SPRED2: variants seen among roughly 807,000 people sequenced by gnomAD.
SPRED2 encodes the protein sprouty-related, EVH1 domain-containing protein 2.
A neutral mutation model predicts 43.0 loss-of-function variants in SPRED2; 47 were observed. The observed-to-expected ratio is 1.09, with a 90% CI of 0.87 to 1.40. SPRED2 has a LOEUF of 1.40. Ranked by LOEUF, SPRED2 falls within the 40% of genes most tolerant of loss-of-function variation. The probability of loss-of-function intolerance (pLI) is 0.00; values close to 1 mark genes in which losing one functional copy is unlikely to be tolerated. For synonymous variants in SPRED2, 225 were observed against 225.7 expected (o/e 1.00, Z 0.03); for missense variants, 561 against 586.4 (o/e 0.96, Z 0.45).
intron 1 of SPRED2, among the ~76,000 whole-genome samples, chr2:65,352,168 C>T (rs80153345): frequency 0.019 from 2,959 of 152,338 alleles, 46 homozygotes; most frequent in Middle Eastern, 0.037. Flanking sequence ...CGCAAAGATG[C>T]CAGATCTGGC....
intron 1 of SPRED2, among the ~76,000 whole-genome samples, chr2:65,393,263 C>T (rs1443196978): frequency 6.6e-6 from 1 of 152,152 alleles, no homozygotes; most frequent in African/African-American, 2.4e-5. Flanking sequence ...TACTCCCTTC[C>T]CCAAAATCCA....
At chr2:65,383,386 A>G (rs1281282728) in intron 1 of SPRED2, among the ~76,000 whole-genome samples, 1 of 152,196 alleles carries the variant, frequency 6.6e-6, no homozygotes, top group African/African-American at 2.4e-5. Flanking sequence ...AATGAGGGGT[A>G]TTTTGAGCTC....
chr2:65,333,950 T>C (rs1038786583), intron 3 of SPRED2, among the ~76,000 whole-genome samples: 32 of 152,150 alleles, frequency 2.1e-4, no homozygotes, highest in African/African-American at 7.7e-4. Flanking sequence ...CACAGGGCCC[T>C]GTCTATGGCT....
chr2:65,308,802 G>A (rs11690031), downstream of SPRED2, among the ~76,000 whole-genome samples: 6,255 of 152,228 alleles, frequency 0.041, 151 homozygotes, highest in South Asian at 0.15. Context: ...AGGTGTAGTC[G>A]GTCCTCTGTA....
At chr2:65,377,480 C>A in intron 1 of SPRED2, 1 of 433,234 alleles carries the variant, frequency 2.3e-6, no homozygotes, top group Non-Finnish European at 4.9e-6. Flanking sequence ...CCCCCAAAGC[C>A]TCATCACCCA....
intron 1 of SPRED2, among the ~76,000 whole-genome samples, chr2:65,349,048 C>CCT (rs1674431357): frequency 6.6e-6 from 1 of 152,162 alleles, no homozygotes; most frequent in Admixed American, 6.5e-5. Flanking sequence ...GTGGCTCACG[C>CCT]CTGTAATCCC....
intron 1 of SPRED2, among the ~76,000 whole-genome samples, chr2:65,381,900 T>TA (rs1675382128): frequency 6.6e-6 from 1 of 152,220 alleles, no homozygotes; most frequent in Non-Finnish European, 1.5e-5. Flanking sequence ...ACCTTTTTCC[T>TA]AAAATGCCAG....
chr2:65,407,771 G>A (rs533488962), intron 1 of SPRED2, among the ~76,000 whole-genome samples: 9 of 152,250 alleles, frequency 5.9e-5, no homozygotes, highest in African/African-American at 1.9e-4. Flanking sequence ...TGGAGCACAG[G>A]GAACCTCCCC....
At chr2:65,414,548 G>A (rs545231087) in intron 1 of SPRED2, among the ~76,000 whole-genome samples, 117 of 152,270 alleles carry the variant, frequency 7.7e-4, no homozygotes, top group African/African-American at 2.7e-3. Context: ...TGAATGTCTG[G>A]GAAGGGGCCA....
At chr2:65,353,015 C>T (rs1674554358) in intron 1 of SPRED2, among the ~76,000 whole-genome samples, 1 of 152,122 alleles carries the variant, frequency 6.6e-6, no homozygotes, top group Non-Finnish European at 1.5e-5. Flanking sequence ...AACCCTTATA[C>T]AAAACACGGT....
chr2:65,343,445 T>C (rs1174524565), intron 2 of SPRED2, among the ~76,000 whole-genome samples: 1 of 152,228 alleles, frequency 6.6e-6, no homozygotes, highest in African/African-American at 2.4e-5. Context: ...TTTTAAACTA[T>C]AAGAAGTGCT....
At chr2:65,332,202 T>C in intron 3 of SPRED2, 151 bp from the exon 4 acceptor site, 1 of 509,362 alleles carries the variant, frequency 2.0e-6, no homozygotes, top group Non-Finnish European at 3.6e-6. Flanking sequence ...TGAGTGCTTT[T>C]AATTTACTCT....
At chr2:65,422,640 A>C (rs1033111521) in intron 1 of SPRED2, among the ~76,000 whole-genome samples, 1 of 152,030 alleles carries the variant, frequency 6.6e-6, no homozygotes, top group African/African-American at 2.4e-5. Context: ...TTCTAAATTC[A>C]AGTTATTCCG....
downstream of SPRED2, chr2:65,308,349 C>T: frequency 1.0e-6 from 1 of 985,462 alleles, no homozygotes; most frequent in Non-Finnish European, 1.2e-6. Context: ...CTCCCAGAAA[C>T]CCAGCCAGCT....
In SPRED2 at chr2:65,352,949, T is replaced by C. The variant is rs553625980; in HGVS notation, c.27-8053A>G. Among the ~76,000 whole-genome samples the C allele has an allele frequency of 2.6e-5, 4 of 152,332 alleles. No individual in the cohort carries two copies. In the South Asian group the frequency reaches 6.2e-4, roughly 24 times the overall value. ...AGCTTTGATTTTTAAAAATATGTTA[T>C]CTTCATTATCAATTTATGTATTTTT... is the stretch of plus-strand genomic sequence containing the variant. On this transcript the variant is annotated intron_variant, in intron 1 of 5. Transcript: ENST00000356388.
At chr2:65,332,072 TAA>T (rs1673829245) in intron 3 of SPRED2, 21 bp from the exon 4 acceptor site, 1 of 1,554,790 alleles carries the variant, frequency 6.4e-7, no homozygotes, top group Non-Finnish European at 8.8e-7. Flanking sequence ...AAAAATGTAA[TAA>T]AAAGTGTTTC....
At chr2:65,310,717 G>T, downstream of SPRED2, 1 of 271,632 alleles carries the variant, frequency 3.7e-6, no homozygotes, top group Non-Finnish European at 5.6e-6. Flanking sequence ...AAAGGGCCTT[G>T]AAAAAACAGA....
intron 1 of SPRED2, among the ~76,000 whole-genome samples, chr2:65,427,673 C>G (rs1221161504): frequency 6.6e-6 from 1 of 152,220 alleles, no homozygotes; most frequent in Non-Finnish European, 1.5e-5. Context: ...CCTCATGCTT[C>G]ACAGCATTTT....
chr2:65,424,357 C>T (rs968832977), intron 1 of SPRED2, among the ~76,000 whole-genome samples: 1 of 152,162 alleles, frequency 6.6e-6, no homozygotes, highest in East Asian at 1.9e-4. Context: ...TTTTTATACA[C>T]GGTACAATTA....
Sources: gnomAD v4.1 joint callset for allele counts (sites outside exome capture counted in the v4.1 genomes callset) on GRCh38, gnomAD v4.1.1 for gene constraint, MANE v1.5 for transcripts, NCBI Gene and HGNC (gene_info 2026-07-23, HGNC 2026-07-21) for gene names.